The following ADAM17 variants were observed in gnomAD, a reference collection of about 807,000 sequenced individuals.
The protein encoded by ADAM17 is ADAM metallopeptidase domain 17.
ADAM17 carries 39 observed loss-of-function variants against 96.7 expected under a neutral mutation model. The ratio of observed to expected loss-of-function variants is 0.40; its 90% CI spans 0.31 to 0.53. The LOEUF is 0.53. Ranked by LOEUF, ADAM17 falls within the 20% of genes least tolerant of loss-of-function variation. The pLI is 0.44. For missense variants in ADAM17, 777 were observed against 1,013.2 expected (o/e 0.77, Z 3.17); for synonymous variants, 344 against 359.2 (o/e 0.96, Z 0.48).
At chr2:9,529,674 T>C (rs545496098) in intron 4 of ADAM17, among the ~76,000 whole-genome samples, 2 of 152,122 alleles carry the variant, frequency 1.3e-5, no homozygotes, top group South Asian at 4.2e-4. Flanking sequence ...CACAACTCCA[T>C]CAATATACGA....
At chr2:9,549,651 C>G (rs1165401358) in intron 1 of ADAM17, among the ~76,000 whole-genome samples, 1 of 151,970 alleles carries the variant, frequency 6.6e-6, no homozygotes, top group Non-Finnish European at 1.5e-5. Flanking sequence ...GTGGCTGGGA[C>G]CACAGGCACA....
intron 11 of ADAM17, 82 bp downstream of exon 11, chr2:9,509,897 G>T: frequency 2.0e-6 from 3 of 1,529,552 alleles, no homozygotes; most frequent in South Asian, 1.2e-5. Context: ...CCTAGGAATG[G>T]AATACGTTTC....
At chr2:9,500,599 C>G (rs1662939521) in intron 13 of ADAM17, among the ~76,000 whole-genome samples, 2 of 151,892 alleles carry the variant, frequency 1.3e-5, no homozygotes, top group Admixed American at 1.3e-4. Context: ...AACCAACCAA[C>G]CAAGAGAGAC....
At chr2:9,524,087 C>T (rs930983274) in intron 6 of ADAM17, among the ~76,000 whole-genome samples, 2 of 151,286 alleles carry the variant, frequency 1.3e-5, no homozygotes, top group African/African-American at 4.9e-5. Context: ...CTTTCTCTAG[C>T]TTACTTGATT....
chr2:9,545,911 T>C (rs1665389289), intron 1 of ADAM17, among the ~76,000 whole-genome samples: 2 of 151,654 alleles, frequency 1.3e-5, no homozygotes, highest in Non-Finnish European at 1.5e-5. Context: ...CTGGGCAAAA[T>C]AGTGAGACCC....
rs34370506 is a variant in ADAM17 at position 9,508,991 on chromosome 2, C to CAA, written c.1344+986_1344+987dup. ...GATGCAGAAAATATACATAAAAAGC[C>CAA]AAAAAAAAATGAGATGCAACAATCA... On this transcript the variant is annotated intron_variant, in intron 11 of 18. Coordinates refer to ENST00000310823, the MANE Select transcript of ADAM17 (RefSeq NM_003183.6). 1.3e-3 allele frequency among the ~76,000 whole-genome samples: 198 copies of CAA among 150,342 alleles called. 2 individuals are homozygous for CAA. The highest frequency in any genetic ancestry group is 4.2e-3 in the African/African-American group (173 of 40,892).
At chr2:9,532,175 CTAAGA>C (rs1204018706) in intron 4 of ADAM17, among the ~76,000 whole-genome samples, 1 of 152,040 alleles carries the variant, frequency 6.6e-6, no homozygotes, top group Admixed American at 6.6e-5. Flanking sequence ...ACTTATATTC[CTAAGA>C]TATTAGTGCA....
chr2:9,541,139 T>C (rs576051276), intron 2 of ADAM17, among the ~76,000 whole-genome samples: 1 of 152,342 alleles, frequency 6.6e-6, no homozygotes, highest in South Asian at 2.1e-4. Flanking sequence ...TATCCATCTG[T>C]AGTGTATTAG....
At chr2:9,518,593 G>C (rs1462519331) in intron 8 of ADAM17, among the ~76,000 whole-genome samples, 1 of 152,134 alleles carries the variant, frequency 6.6e-6, no homozygotes, top group Non-Finnish European at 1.5e-5. Context: ...TAAGGGGATT[G>C]CAGCACTCCA....
chr2:9,494,529 T>G, intron 15 of ADAM17, 108 bp downstream of exon 15: 2 of 1,312,424 alleles, frequency 1.5e-6, no homozygotes, highest in Middle Eastern at 2.3e-4. Flanking sequence ...GCCAGAAGGA[T>G]GTAGCCCCAC....
chr2:9,510,266 ACCAG>A, intron 10 of ADAM17, 135 bp from the exon 11 acceptor site: 1 of 1,003,880 alleles, frequency 1.0e-6, no homozygotes, highest in East Asian at 2.6e-5. Flanking sequence ...TGCTTATAAT[ACCAG>A]CACTTTAGGA....
At chr2:9,504,631 T>TG (rs1320139934) in intron 12 of ADAM17, among the ~76,000 whole-genome samples, 7 of 149,120 alleles carry the variant, frequency 4.7e-5, no homozygotes, top group African/African-American at 1.7e-4. Flanking sequence ...GGCATGGTGG[T>TG]GCGTGCCTGT....
intron 11 of ADAM17, among the ~76,000 whole-genome samples, chr2:9,506,518 C>T (rs530022910): frequency 6.6e-6 from 1 of 152,050 alleles, no homozygotes; most frequent in South Asian, 2.1e-4. Context: ...AGGTGCATGC[C>T]ACCACGCCCA....
chr2:9,541,752 A>G (rs867581549), intron 2 of ADAM17, among the ~76,000 whole-genome samples: 74 of 152,296 alleles, frequency 4.9e-4, no homozygotes, highest in Middle Eastern at 3.4e-3. Flanking sequence ...TATAAAGAAT[A>G]AAGATGGCCA....
chr2:9,498,819 G>A (rs192861368), intron 13 of ADAM17, among the ~76,000 whole-genome samples: 7 of 152,308 alleles, frequency 4.6e-5, no homozygotes, highest in Non-Finnish European at 1.0e-4. Flanking sequence ...ATTAAAAAAT[G>A]CTCAATAAAT....
intron 12 of ADAM17, among the ~76,000 whole-genome samples, chr2:9,502,879 CAAAAAA>C (rs758081961): frequency 3.2e-4 from 14 of 43,604 alleles, no homozygotes; most frequent in Non-Finnish European, 4.8e-4. Flanking sequence ...AATTCTGTCT[CAAAAAA>C]AAAAAAAAAA....
chr2:9,494,980 A>G (rs557673826), intron 14 of ADAM17: 10 of 429,112 alleles, frequency 2.3e-5, no homozygotes, highest in African/African-American at 1.6e-4. Context: ...AGGTTTAAAA[A>G]AAAATGCAGA....
chr2:9,529,368 T>C (rs1044353313), intron 4 of ADAM17, among the ~76,000 whole-genome samples: 17 of 152,066 alleles, frequency 1.1e-4, no homozygotes, highest in African/African-American at 3.6e-4. Context: ...AGAGAATCAG[T>C]TGAACCCAGG....
chr2:9,505,600 T>C lies in ADAM17; in HGVS notation c.1345-235A>G, dbSNP rs902368193. ...GAACTTGGTTAAGGATCTATAATTC[T>C]TCTTACGAAGGTAAGCAAGCTATAC... is the stretch of plus-strand genomic sequence containing the variant. On this transcript the variant is annotated intron_variant, in intron 11 of 18. Coordinates refer to ENST00000310823, the MANE Select transcript of ADAM17 (RefSeq NM_003183.6). The C allele has an allele frequency of 1.3e-5, 7 of 525,510 alleles. No individual in the cohort carries two copies. In the African/African-American group the frequency reaches 1.3e-4, roughly 10 times the overall value. 32.6% of individuals were successfully genotyped at this position (525,510 alleles called of 1,614,324 possible).
Sources: allele counts gnomAD v4.1 joint callset (sites outside exome capture counted in the v4.1 genomes callset), GRCh38; gene constraint gnomAD v4.1.1; transcripts MANE v1.5; gene names NCBI Gene and HGNC (gene_info 2026-07-23, HGNC 2026-07-21).